Variants in SEC14L6 observed in about 807,000 individuals in gnomAD.
SEC14L6 encodes SEC14-like protein 6.
SEC14L6 carries 40 observed loss-of-function variants against 54.1 expected under a neutral mutation model. The ratio of observed to expected loss-of-function variants is 0.74; its 90% CI spans 0.57 to 0.96. The LOEUF (loss-of-function observed/expected upper bound fraction) is 0.96, where lower values mean the gene tolerates loss of function less well. SEC14L6 is among the 40% of genes least tolerant of loss of function. The pLI, the probability that SEC14L6 is intolerant of heterozygous loss-of-function variation, is 0.00. For missense variants in SEC14L6, 471 were observed against 498.3 expected (o/e 0.95, Z 0.52); for synonymous variants, 171 against 198.4 (o/e 0.86, Z 1.16).
rs956421180 is a variant in SEC14L6, at chr22:30,529,353, C to A, written c.520-4G>T. ...TTGCTTCAAGTGCTGAGAAAAACTG[C>A]GGAACCAAGTGGCAGAAGTGATGGG... On this transcript the variant is annotated splice_polypyrimidine_tract_variant and splice_region_variant and intron_variant, in intron 6 of 11. Transcript: ENST00000402034. 19 of 1,550,030 alleles carry A rather than the reference C, an allele frequency of 1.2e-5. No homozygotes were observed. Among genetic ancestry groups the A allele is most frequent in the Middle Eastern group, 1.7e-4 (1 of 6,012 alleles).
chr22:30,539,933 T>C (rs2085669468), intron 1 of SEC14L6, among the ~76,000 whole-genome samples: 1 of 152,186 alleles, frequency 6.6e-6, no homozygotes, highest in South Asian at 2.1e-4. Flanking sequence ...TCATTGACTG[T>C]AGGCTAAAGC....
chr22:30,526,026 C>T lies in SEC14L6; in HGVS notation c.665-94G>A, dbSNP rs541322680. The T allele has an allele frequency of 2.8e-6, 4 of 1,437,350 alleles. No homozygotes were observed. In the South Asian group the frequency reaches 3.7e-5, roughly 13 times the overall value. The allele number at this position is 1,437,350 out of a possible 1,614,324, so 89.0% of individuals were successfully genotyped here. A position where few individuals can be genotyped will look rare whatever the true frequency, so the allele number is the denominator to read the frequency against. On this transcript the variant is annotated intron_variant, in intron 8 of 11. Transcript: ENST00000402034. ...CCCAGGTCTGTCCTTTGGCCAGCTG[C>T]TCTCCCTCCCTGGCGCGCTTTTGCC... is the stretch of plus-strand genomic sequence containing the variant.
chr22:30,544,939 AAAG>A (rs2085783089), intron 1 of SEC14L6, among the ~76,000 whole-genome samples: 2 of 152,072 alleles, frequency 1.3e-5, no homozygotes, highest in South Asian at 4.2e-4. Flanking sequence ...AACGTGAAAA[AAAG>A]AAAGTCCACT....
intron 2 of SEC14L6, among the ~76,000 whole-genome samples, chr22:30,534,520 T>G (rs533793679): frequency 0.018 from 2,794 of 151,994 alleles, 40 homozygotes; most frequent in Admixed American, 0.023. Context: ...CAAGTGATTC[T>G]CCTGCCTCAG....
Position 30,533,876 on chromosome 22 carries a change from C to T in SEC14L6, c.174+120G>A, listed in dbSNP as rs1286189012. The stretch of plus-strand genomic sequence containing the variant: ...CACCAGGCCAGGTTTACCTTCCAGT[C>T]TCAATGAATGGGTGTTCCATGAATG... On this transcript the variant is annotated intron_variant, in intron 3 of 11. Coordinates refer to ENST00000402034, the MANE Select transcript of SEC14L6 (RefSeq NM_001193336.4). The T allele has an allele frequency of 4.1e-6, 4 of 973,044 alleles. No homozygotes were observed. The East Asian group carries it at 1.1e-4, about 26-fold the overall frequency. The allele number at this position is 973,044 out of a possible 1,614,324, so 60.3% of individuals were successfully genotyped here. A position where few individuals can be genotyped will look rare whatever the true frequency, so the allele number is the denominator to read the frequency against.
At chr22:30,544,322 C>T (rs2085776252) in intron 1 of SEC14L6, 2 of 388,352 alleles carry the variant, frequency 5.1e-6, no homozygotes, top group Admixed American at 3.8e-5. Context: ...GCCAGGGAAC[C>T]GACCTGGGAA....
At chr22:30,542,204 G>T (rs995478661) in intron 1 of SEC14L6, among the ~76,000 whole-genome samples, 1 of 152,198 alleles carries the variant, frequency 6.6e-6, no homozygotes, top group African/African-American at 2.4e-5. Context: ...GCTCTGAAAG[G>T]ATCGGTCCCC....
At chr22:30,534,727 A>T (rs967714109) in intron 2 of SEC14L6, among the ~76,000 whole-genome samples, 19 of 152,168 alleles carry the variant, frequency 1.2e-4, no homozygotes, top group African/African-American at 4.6e-4. Flanking sequence ...TACTCTTTAA[A>T]AAAATCACCA....
At chr22:30,530,785 G>T (rs765840056) in intron 6 of SEC14L6, among the ~76,000 whole-genome samples, 1 of 152,250 alleles carries the variant, frequency 6.6e-6, no homozygotes, top group Non-Finnish European at 1.5e-5. Context: ...CTGCCCTGCG[G>T]CCCAGGCCTC....
At chr22:30,530,944 T>A (rs1936948490) in intron 6 of SEC14L6, among the ~76,000 whole-genome samples, 1 of 151,394 alleles carries the variant, frequency 6.6e-6, no homozygotes, top group East Asian at 1.9e-4. Flanking sequence ...GGGATGAGAG[T>A]GAGCAGAGCC....
In SEC14L6 at chr22:30,522,808, C is replaced by T. The variant is rs1340912115; in HGVS notation, c.*2189G>A. 1 of 152,152 alleles carries T rather than the reference C, an allele frequency of 6.6e-6. No individual in the cohort carries two copies. The highest frequency in any genetic ancestry group is 1.5e-5 in the Non-Finnish European group (1 of 68,044). The allele number at this position is 152,152 out of a possible 1,614,324, so 9.4% of individuals were successfully genotyped here. A position where few individuals can be genotyped will look rare whatever the true frequency, so the allele number is the denominator to read the frequency against. Reference sequence around the variant, plus strand: ...AAAACCTGTACACGAATGCTTACAACAGCTTTATTCATAATCGCCCCCAAA... The same window carrying T: ...AAAACCTGTACACGAATGCTTACAATAGCTTTATTCATAATCGCCCCCAAA... On this transcript the variant is annotated 3_prime_UTR_variant, in exon 12 of 12. Coordinates refer to ENST00000402034, the MANE Select transcript of SEC14L6 (RefSeq NM_001193336.4).
rs1344653084 is a variant in SEC14L6, at chr22:30,523,401, C to G, written c.*1596G>C. The G allele has an allele frequency of 6.6e-6, 1 of 152,288 alleles. No homozygotes were observed. Among genetic ancestry groups the G allele is most frequent in the African/African-American group, 2.4e-5 (1 of 41,398 alleles). 9.4% of individuals were successfully genotyped at this position (152,288 alleles called of 1,614,324 possible). A position where few individuals can be genotyped will look rare whatever the true frequency, so the allele number is the denominator to read the frequency against. On this transcript the variant is annotated 3_prime_UTR_variant, in exon 12 of 12. Coordinates refer to ENST00000402034, the MANE Select transcript of SEC14L6 (RefSeq NM_001193336.4). Reference sequence around the variant, plus strand: ...ACAGGGTCTTGCTCTGTTTCCCAGGCTGGAGTGCAGTGGTGCAATCTCAAC... The same window carrying G: ...ACAGGGTCTTGCTCTGTTTCCCAGGGTGGAGTGCAGTGGTGCAATCTCAAC...
intron 1 of SEC14L6, chr22:30,543,413 G>A: frequency 1.2e-6 from 2 of 1,605,200 alleles, no homozygotes; most frequent in Non-Finnish European, 1.7e-6. Flanking sequence ...TACCCCCAGA[G>A]ACTACAGTTG....
chr22:30,534,725 A>T (rs981465143), intron 2 of SEC14L6, among the ~76,000 whole-genome samples: 8 of 152,204 alleles, frequency 5.3e-5, no homozygotes, highest in African/African-American at 1.2e-4. Flanking sequence ...AATACTCTTT[A>T]AAAAAATCAC....
chr22:30,531,946 C>A lies in SEC14L6; in HGVS notation c.476G>T (p.Gly159Val). Residue 159 changes from glycine to valine, a missense_variant, in exon 6 of 12, where the codon GGC becomes GTC. By Grantham distance (109) the Gly-to-Val change is moderately radical (BLOSUM62 -3). Transcript: ENST00000402034. ...IIAIFGLEGL[G>V]LRDLWKPGIE... ...TCCTGGCTTCCACAGATCCCTCAGG[C>A]CCAGCCCTTCGAGACCAAAAATAGC... 1 of 1,550,830 alleles carries A rather than the reference C, an allele frequency of 6.4e-7. No individual in the cohort carries two copies. Among genetic ancestry groups the A allele is most frequent in the Non-Finnish European group, 8.7e-7 (1 of 1,147,030 alleles).
intron 6 of SEC14L6, 120 bp downstream of exon 6, chr22:30,531,783 G>T: frequency 1.5e-6 from 1 of 671,974 alleles, no homozygotes; most frequent in Non-Finnish European, 2.6e-6. Context: ...AGTACCTGTG[G>T]GCGGGTACTC....
At chr22:30,540,789 C>A (rs7289280) in intron 1 of SEC14L6, among the ~76,000 whole-genome samples, 2,659 of 151,118 alleles carry the variant, frequency 0.018, 50 homozygotes, top group Middle Eastern at 0.048. Flanking sequence ...GAGGCCAAGG[C>A]GGGCAGATCA....
At chr22:30,540,529 A>G (rs2085686243) in intron 1 of SEC14L6, among the ~76,000 whole-genome samples, 1 of 151,962 alleles carries the variant, frequency 6.6e-6, no homozygotes, top group South Asian at 2.1e-4. Context: ...CACCCTGGGC[A>G]TCAAGGTGAA....
intron 3 of SEC14L6, among the ~76,000 whole-genome samples, chr22:30,533,433 T>C (rs977788207): frequency 2.6e-5 from 4 of 152,068 alleles, no homozygotes; most frequent in African/African-American, 9.7e-5. Flanking sequence ...AAACCCTGTC[T>C]CTACTAAAAA....
Sources: gnomAD v4.1 joint callset for allele counts (sites outside exome capture counted in the v4.1 genomes callset) on GRCh38, gnomAD v4.1.1 for gene constraint, MANE v1.5 for transcripts, NCBI Gene and HGNC (gene_info 2026-07-23, HGNC 2026-07-21) for gene names.